The following OR51B5 variants were observed in gnomAD, a reference collection of about 807,000 sequenced individuals.
The protein encoded by OR51B5 is olfactory receptor 51B5.
For missense variants in OR51B5, 456 were observed against 374.6 expected (o/e 1.22, Z -1.79); for synonymous variants, 186 against 144.8 (o/e 1.28, Z -2.04).
chr11:5,351,716 G>A, intron 1 of OR51B5: 1 of 1,613,992 alleles, frequency 6.2e-7, no homozygotes, highest in Non-Finnish European at 8.5e-7. Context: ...ACAGACCTCG[G>A]AGTGACATTG....
intron 1 of OR51B5, among the ~76,000 whole-genome samples, chr11:5,383,522 T>G (rs1164827598): frequency 6.6e-6 from 1 of 152,174 alleles, no homozygotes; most frequent in Non-Finnish European, 1.5e-5. Context: ...CCATTACTAG[T>G]GGATAACAGA....
At chr11:5,413,659 A>T (rs1456290004) in intron 1 of OR51B5, among the ~76,000 whole-genome samples, 10 of 152,320 alleles carry the variant, frequency 6.6e-5, no homozygotes, top group Non-Finnish European at 8.8e-5. Context: ...GAGCCAATGC[A>T]ATCAACTGGA....
chr11:5,458,906 T>C (rs976492244), intron 1 of OR51B5, among the ~76,000 whole-genome samples: 1 of 152,178 alleles, frequency 6.6e-6, no homozygotes, highest in Non-Finnish European at 1.5e-5. Context: ...AAAATAGGGA[T>C]AGTTTAACTT....
chr11:5,488,984 G>C (rs774913141), intron 1 of OR51B5: 4 of 1,613,944 alleles, frequency 2.5e-6, no homozygotes, highest in African/African-American at 1.3e-5. Context: ...CTCCATGCTG[G>C]TGAGATTTCC....
intron 1 of OR51B5, chr11:5,402,895 G>T (rs1909261): frequency 2.1e-6 from 1 of 471,070 alleles, no homozygotes; most frequent in African/African-American, 2.0e-5. Flanking sequence ...CTTGAAGCTT[G>T]TCTTTTTCCA....
chr11:5,390,932 C>A (rs1849785442), intron 1 of OR51B5: 1 of 153,194 alleles, frequency 6.5e-6, no homozygotes, highest in Admixed American at 6.5e-5. Context: ...TCAAGCAACA[C>A]CCCCCCAAAT....
chr11:5,475,126 C>A (rs1851284687), intron 1 of OR51B5, among the ~76,000 whole-genome samples: 2 of 152,066 alleles, frequency 1.3e-5, no homozygotes, highest in Admixed American at 6.6e-5. Flanking sequence ...CTCTCTAGAC[C>A]CAAATATCAA....
intron 1 of OR51B5, among the ~76,000 whole-genome samples, chr11:5,401,825 T>C (rs886858260): frequency 1.7e-4 from 24 of 144,918 alleles, no homozygotes; most frequent in Non-Finnish European, 6.0e-5. Flanking sequence ...TTTCTTTTTC[T>C]ATCATTCCTT....
chr11:5,426,627 T>C (rs913651325), intron 1 of OR51B5, among the ~76,000 whole-genome samples: 1 of 151,758 alleles, frequency 6.6e-6, no homozygotes, highest in Non-Finnish European at 1.5e-5. Context: ...CCCTAATACA[T>C]GTGTTAGGGC....
Position 5,493,478 on chromosome 11 carries a change from C to T in OR51B5, n.84+12091G>A, listed in dbSNP as rs368717378. On this transcript the variant is annotated intron_variant and non_coding_transcript_variant, in intron 1 of 4. Coordinates refer to the OR51B5 transcript ENST00000415970. Reference sequence around the variant, plus strand: ...GATAAATAAAGAATTATCTCAACTCCGAGAATCAGAGCTGAGACATGAGAA... The same window carrying T: ...GATAAATAAAGAATTATCTCAACTCTGAGAATCAGAGCTGAGACATGAGAA... 9.2e-5 allele frequency among the ~76,000 whole-genome samples: 14 copies of T among 152,160 alleles called. No homozygotes were observed. The East Asian group carries it at 1.2e-3, about 13-fold the overall frequency.
At chr11:5,500,672 G>A (rs1318393021) in intron 1 of OR51B5, among the ~76,000 whole-genome samples, 1 of 148,098 alleles carries the variant, frequency 6.8e-6, no homozygotes, top group Non-Finnish European at 1.5e-5. Context: ...CCACAACCCT[G>A]TAGTCATGTC....
intron 1 of OR51B5, among the ~76,000 whole-genome samples, chr11:5,367,543 T>C (rs750142624): frequency 6.6e-6 from 1 of 152,188 alleles, no homozygotes; most frequent in Non-Finnish European, 1.5e-5. Context: ...CAGTGAGGAC[T>C]ACCAGAGGTC....
Position 5,406,387 on chromosome 11 carries a change from T to C in OR51B5, n.85-59477A>G, listed in dbSNP as rs1589978839. Among the ~76,000 whole-genome samples, 6 of 152,270 alleles carry C rather than the reference T, an allele frequency of 3.9e-5. No homozygotes were observed. In the East Asian group the frequency reaches 1.2e-3, roughly 29 times the overall value. Reference sequence around the variant, plus strand: ...GTCCAGTCTCAGAGACAACATCAGGTTCAGGAAGAATCCTAGAAAATCACA... The same window carrying C: ...GTCCAGTCTCAGAGACAACATCAGGCTCAGGAAGAATCCTAGAAAATCACA... On this transcript the variant is annotated intron_variant and non_coding_transcript_variant, in intron 1 of 4. Coordinates refer to the OR51B5 transcript ENST00000415970.
intron 1 of OR51B5, among the ~76,000 whole-genome samples, chr11:5,474,021 C>G (rs988703224): frequency 2.0e-5 from 3 of 152,018 alleles, no homozygotes; most frequent in Non-Finnish European, 2.9e-5. Context: ...TAAAAAGACA[C>G]CCTTATAGGA....
At chr11:5,346,586 CATATG>C (rs1848994543), upstream of OR51B5, among the ~76,000 whole-genome samples, 1 of 151,866 alleles carries the variant, frequency 6.6e-6, no homozygotes, top group Admixed American at 6.6e-5. Flanking sequence ...GGAAAGAAGA[CATATG>C]AGAGGGTCAA....
intron 1 of OR51B5, chr11:5,403,104 G>A (rs1201289965): frequency 2.1e-6 from 1 of 471,550 alleles, no homozygotes. Context: ...TATGGCGTCT[G>A]CCCTTCTGTG....
intron 1 of OR51B5, chr11:5,454,005 G>A: frequency 1.9e-6 from 3 of 1,613,914 alleles, no homozygotes; most frequent in Non-Finnish European, 2.5e-6. Flanking sequence ...CAGATCCAAT[G>A]TTCTTTCTCA....
intron 1 of OR51B5, among the ~76,000 whole-genome samples, chr11:5,368,025 A>T (rs569632155): frequency 6.6e-6 from 1 of 152,062 alleles, no homozygotes; most frequent in South Asian, 2.1e-4. Flanking sequence ...TATATCTTAC[A>T]CCCCACAACT....
intron 1 of OR51B5, among the ~76,000 whole-genome samples, chr11:5,458,900 T>C (rs537438714): frequency 1.3e-4 from 20 of 152,138 alleles, no homozygotes; most frequent in Non-Finnish European, 2.4e-4. Flanking sequence ...CATTTGAAAA[T>C]AGGGATAGTT....
Sources: allele counts gnomAD v4.1 joint callset (sites outside exome capture counted in the v4.1 genomes callset), GRCh38; gene constraint gnomAD v4.1.1; transcripts MANE v1.5; gene names NCBI Gene and HGNC (gene_info 2026-07-23, HGNC 2026-07-21).